Variants in CSMD1 observed in about 807,000 individuals in gnomAD.
CSMD1 encodes the protein CUB and sushi domain-containing protein 1.
CSMD1 carries 213 observed loss-of-function variants against 417.5 expected under a neutral mutation model. The ratio of observed to expected loss-of-function variants is 0.51; its 90% CI spans 0.46 to 0.57. The LOEUF is 0.57. Ranked by LOEUF, CSMD1 falls within the 20% of genes least tolerant of loss-of-function variation. The pLI, the probability that CSMD1 is intolerant of heterozygous loss-of-function variation, is 0.00. For missense variants in CSMD1, 6,923 were observed against 4,529.7 expected (o/e 1.53, Z -15.17); for synonymous variants, 2,862 against 1,736.8 (o/e 1.65, Z -16.11).
intron 3 of CSMD1, among the ~76,000 whole-genome samples, chr8:4,154,062 A>C (rs1483071777): frequency 6.6e-6 from 1 of 152,204 alleles, no homozygotes; most frequent in Non-Finnish European, 1.5e-5. Context: ...CTAAGGAGGT[A>C]ATAAATAAAT....
chr8:3,693,446 T>A (rs1299351420), intron 7 of CSMD1, among the ~76,000 whole-genome samples: 1 of 152,140 alleles, frequency 6.6e-6, no homozygotes, highest in Non-Finnish European at 1.5e-5. Flanking sequence ...CTTAGCTGGG[T>A]ATTGATACGA....
intron 17 of CSMD1, among the ~76,000 whole-genome samples, chr8:3,395,215 A>G (rs181989906): frequency 6.6e-6 from 1 of 152,332 alleles, no homozygotes; most frequent in African/African-American, 2.4e-5. Context: ...CATCTTTACA[A>G]TAGTACTTGA....
In CSMD1 at chr8:4,585,515, A is replaced by G. The variant is rs534192703; in HGVS notation, c.302+51827T>C. Among the ~76,000 whole-genome samples, 9 of 152,330 alleles carry G rather than the reference A, an allele frequency of 5.9e-5. No individual in the cohort carries two copies. In the South Asian group the frequency reaches 1.9e-3, roughly 32 times the overall value. On this transcript the variant is annotated intron_variant, in intron 2 of 69. Coordinates refer to ENST00000635120, the MANE Select transcript of CSMD1 (RefSeq NM_033225.6). The stretch of plus-strand genomic sequence containing the variant: ...TGGAATGAAAGAAGTATTTGAAGAG[A>G]TAATGACAGATAATTTACTGTAACT...
At position 4,422,287 on chromosome 8, in the gene CSMD1, G is replaced by C. The variant is rs74973165; in HGVS notation, c.303-2222C>G. On this transcript the variant is annotated intron_variant, in intron 2 of 69. Transcript: ENST00000635120. Reference sequence around the variant, plus strand: ...GATAGAATGCTTTTGTAGTAATTTTGTGGCATTGACACTACCCTTTCCCTT... The same window carrying C: ...GATAGAATGCTTTTGTAGTAATTTTCTGGCATTGACACTACCCTTTCCCTT... Among the ~76,000 whole-genome samples, 3 of 152,112 alleles carry C rather than the reference G, an allele frequency of 2.0e-5. No homozygotes were observed. The East Asian group carries it at 5.8e-4, about 29-fold the overall frequency.
At chr8:4,074,808 C>A (rs1799737423) in intron 3 of CSMD1, among the ~76,000 whole-genome samples, 1 of 151,996 alleles carries the variant, frequency 6.6e-6, no homozygotes, top group Non-Finnish European at 1.5e-5. Flanking sequence ...GGTACATAAT[C>A]ATTTCCATGA....
intron 5 of CSMD1, among the ~76,000 whole-genome samples, chr8:3,868,350 C>T (rs1371084933): frequency 6.6e-6 from 1 of 152,090 alleles, no homozygotes; most frequent in Non-Finnish European, 1.5e-5. Flanking sequence ...CTTCCTTTCT[C>T]CCTAAAGTCT....
chr8:4,498,059 T>C (rs1290858281), intron 2 of CSMD1, among the ~76,000 whole-genome samples: 3 of 152,134 alleles, frequency 2.0e-5, no homozygotes, highest in Non-Finnish European at 4.4e-5. Context: ...CCTCCATGTG[T>C]GTGAGATACC....
At chr8:3,567,175 A>C (rs1290851820) in intron 10 of CSMD1, among the ~76,000 whole-genome samples, 1 of 152,084 alleles carries the variant, frequency 6.6e-6, no homozygotes, top group Non-Finnish European at 1.5e-5. Flanking sequence ...GCAGCAGAAA[A>C]CCAAATACTG....
chr8:3,550,611 C>G (rs892669661), intron 10 of CSMD1, among the ~76,000 whole-genome samples: 1 of 152,194 alleles, frequency 6.6e-6, no homozygotes, highest in African/African-American at 2.4e-5. Flanking sequence ...CTGACCTCAT[C>G]AGTCTCCACC....
chr8:3,702,122 A>T (rs1429676924), intron 7 of CSMD1: 1 of 152,300 alleles, frequency 6.6e-6, no homozygotes, highest in East Asian at 1.9e-4. Context: ...AGGGGCATAA[A>T]GGCAATGCAT....
Position 3,016,968 on chromosome 8 carries a change from C to G in CSMD1, c.8029+1509G>C, listed in dbSNP as rs1323497227. 2.0e-5 allele frequency among the ~76,000 whole-genome samples: 3 copies of G among 152,178 alleles called. No individual in the cohort carries two copies. In the East Asian group the frequency reaches 5.8e-4, roughly 29 times the overall value. On this transcript the variant is annotated intron_variant, in intron 52 of 69. Coordinates refer to ENST00000635120, the MANE Select transcript of CSMD1 (RefSeq NM_033225.6). ...TAAAGGCTTATCAGGGATCAATAAT[C>G]CCCAAGCTGACCCATCATTTAACAG...
At chr8:3,801,324 G>T (rs576078730) in intron 5 of CSMD1, among the ~76,000 whole-genome samples, 17 of 152,050 alleles carry the variant, frequency 1.1e-4, no homozygotes, top group Non-Finnish European at 2.2e-4. Flanking sequence ...TTTCTCCAAA[G>T]AAGACATACA....
chr8:4,900,464 C>T (rs904926114), intron 1 of CSMD1, among the ~76,000 whole-genome samples: 2 of 152,104 alleles, frequency 1.3e-5, no homozygotes, highest in African/African-American at 2.4e-5. Flanking sequence ...TTATCCAGTC[C>T]TCCTACCCTT....
At chr8:4,544,258 T>C (rs1305011053) in intron 2 of CSMD1, among the ~76,000 whole-genome samples, 1 of 152,200 alleles carries the variant, frequency 6.6e-6, no homozygotes, top group Non-Finnish European at 1.5e-5. Context: ...ATTTCATATT[T>C]AGGTCTATGA....
chr8:3,067,982 C>G (rs770327826), intron 49 of CSMD1, among the ~76,000 whole-genome samples: 4 of 151,990 alleles, frequency 2.6e-5, no homozygotes, highest in African/African-American at 7.2e-5. Context: ...AGTGTGTGTT[C>G]CTTCCCAATA....
At chr8:4,639,177 G>A (rs543745574) in intron 1 of CSMD1, among the ~76,000 whole-genome samples, 3 of 151,654 alleles carry the variant, frequency 2.0e-5, no homozygotes, top group South Asian at 2.1e-4. Flanking sequence ...GCCTGTTTCA[G>A]CCCTTCCCCT....
At chr8:3,324,985 A>G (rs78402749) in intron 23 of CSMD1, among the ~76,000 whole-genome samples, 1 of 152,186 alleles carries the variant, frequency 6.6e-6, no homozygotes, top group Non-Finnish European at 1.5e-5. Context: ...AAAAGAAAAA[A>G]AAAAGCATTT....
In CSMD1 at chr8:4,287,247, G is replaced by C. The variant is rs140764326; in HGVS notation, c.415+132706C>G. Among the ~76,000 whole-genome samples, 6 of 152,272 alleles carry C rather than the reference G, an allele frequency of 3.9e-5. No individual in the cohort carries two copies. In the East Asian group the frequency reaches 9.7e-4, roughly 25 times the overall value. ...CTCTATTTCCTGGCAAGTTCTAAAAGATTCCCCCTCACATTCCTTGAATAT... is the reference window on the plus strand; with the variant it reads ...CTCTATTTCCTGGCAAGTTCTAAAACATTCCCCCTCACATTCCTTGAATAT... On this transcript the variant is annotated intron_variant, in intron 3 of 69. Transcript: ENST00000635120.
chr8:3,414,932 C>T (rs1012349647), intron 12 of CSMD1, among the ~76,000 whole-genome samples: 5 of 152,178 alleles, frequency 3.3e-5, no homozygotes, highest in African/African-American at 1.2e-4. Context: ...TTTTCTGCGG[C>T]AAGACCTGTC....
Sources: gnomAD v4.1 joint callset for allele counts (sites outside exome capture counted in the v4.1 genomes callset) on GRCh38, gnomAD v4.1.1 for gene constraint, MANE v1.5 for transcripts, NCBI Gene and HGNC (gene_info 2026-07-23, HGNC 2026-07-21) for gene names.